Variants in MAST4 observed in about 807,000 individuals in gnomAD.
The protein encoded by MAST4 is microtubule-associated serine/threonine-protein kinase 4.
A neutral mutation model predicts 162.7 loss-of-function variants in MAST4; 89 were observed. The ratio of observed to expected loss-of-function variants is 0.55; its 90% CI spans 0.46 to 0.65. The LOEUF (loss-of-function observed/expected upper bound fraction) is 0.65. Ranked by LOEUF, MAST4 falls within the 30% of genes least tolerant of loss-of-function variation. The probability of loss-of-function intolerance (pLI) is 0.00; values close to 1 mark genes in which losing one functional copy is unlikely to be tolerated. For missense variants in MAST4, 3,153 were observed against 3,374.0 expected (o/e 0.93, Z 1.62); for synonymous variants, 1,479 against 1,361.1 (o/e 1.09, Z -1.91).
At chr5:66,867,721 G>T (rs1169303665) in intron 3 of MAST4, among the ~76,000 whole-genome samples, 1 of 152,218 alleles carries the variant, frequency 6.6e-6, no homozygotes, top group African/African-American at 2.4e-5. Context: ...AAAACTAATG[G>T]TGAGGAATCC....
intron 3 of MAST4, among the ~76,000 whole-genome samples, chr5:66,866,907 G>A (rs919928081): frequency 1.5e-5 from 2 of 137,712 alleles, no homozygotes; most frequent in Admixed American, 7.5e-5. Flanking sequence ...GGGCTACCAC[G>A]GCAGGCTTTT....
intron 3 of MAST4, among the ~76,000 whole-genome samples, chr5:66,852,846 C>T (rs913408765): frequency 6.6e-6 from 1 of 152,154 alleles, no homozygotes; most frequent in Non-Finnish European, 1.5e-5. Flanking sequence ...ATAGAATTCT[C>T]ATTATATTCC....
At chr5:66,997,197 TTA>T (rs1453645464) in intron 4 of MAST4, among the ~76,000 whole-genome samples, 1 of 152,002 alleles carries the variant, frequency 6.6e-6, no homozygotes, top group African/African-American at 2.4e-5. Flanking sequence ...ACACATACAT[TTA>T]TATATGTGTT....
chr5:67,138,470 G>C (rs1490079275), intron 19 of MAST4, among the ~76,000 whole-genome samples: 3 of 152,058 alleles, frequency 2.0e-5, no homozygotes, highest in Admixed American at 2.0e-4. Flanking sequence ...ATCTCACTCT[G>C]TCACCCAGGC....
chr5:66,958,982 C>A, intron 4 of MAST4: 7 of 396,288 alleles, frequency 1.8e-5, no homozygotes, highest in East Asian at 3.6e-5. Flanking sequence ...AAATCAGAAA[C>A]CAATTACTTG....
At chr5:66,758,698 C>A (rs1753692714) in intron 1 of MAST4, among the ~76,000 whole-genome samples, 1 of 152,172 alleles carries the variant, frequency 6.6e-6, no homozygotes, top group Admixed American at 6.5e-5. Flanking sequence ...AAAAATTTGA[C>A]AAGTATAACC....
intron 1 of MAST4, among the ~76,000 whole-genome samples, chr5:66,689,893 C>T (rs1342740807): frequency 2.0e-5 from 3 of 152,160 alleles, no homozygotes. Context: ...ACTAAGCCTA[C>T]TGAGTAGTAG....
chr5:66,742,959 C>A (rs1752554510), intron 1 of MAST4, among the ~76,000 whole-genome samples: 1 of 152,142 alleles, frequency 6.6e-6, no homozygotes, highest in African/African-American at 2.4e-5. Context: ...CTGGGGAAAT[C>A]TATCAAGCTA....
intron 4 of MAST4, among the ~76,000 whole-genome samples, chr5:67,047,775 A>C (rs1757557639): frequency 6.6e-6 from 1 of 152,184 alleles, no homozygotes; most frequent in African/African-American, 2.4e-5. Flanking sequence ...GATCCCAGCG[A>C]GTTTCTTAAC....
intron 8 of MAST4, among the ~76,000 whole-genome samples, chr5:67,101,082 T>G (rs1436335855): frequency 6.6e-6 from 1 of 152,228 alleles, no homozygotes; most frequent in Non-Finnish European, 1.5e-5. Flanking sequence ...GGATGCCAAA[T>G]GTAGTCCACC....
intron 4 of MAST4, among the ~76,000 whole-genome samples, chr5:66,993,024 G>A (rs139989647): frequency 2.1e-3 from 323 of 152,284 alleles, no homozygotes; most frequent in Non-Finnish European, 3.8e-3. Flanking sequence ...TTTTAGAGAA[G>A]ACAAACTACA....
chr5:66,847,760 G>T (rs1360638283), intron 3 of MAST4, among the ~76,000 whole-genome samples: 2 of 142,044 alleles, frequency 1.4e-5, no homozygotes, highest in Non-Finnish European at 3.0e-5. Context: ...GGCGGAAGTT[G>T]CAGTGAGCTG....
intron 2 of MAST4, among the ~76,000 whole-genome samples, chr5:66,783,101 A>G (rs36050092): frequency 0.012 from 1,884 of 152,318 alleles, 9 homozygotes; most frequent in Middle Eastern, 0.024. Context: ...TAACATTCAT[A>G]TGATTCCTCA....
chr5:66,949,773 T>A (rs1744452275), intron 4 of MAST4, among the ~76,000 whole-genome samples: 1 of 152,220 alleles, frequency 6.6e-6, no homozygotes, highest in Admixed American at 6.5e-5. Context: ...AATTTACTTT[T>A]AATTTTCTAC....
At chr5:66,959,201 GGAGT>G (rs1295922822) in intron 4 of MAST4, 5 of 779,280 alleles carry the variant, frequency 6.4e-6, no homozygotes, top group Non-Finnish European at 1.2e-5. Context: ...ACGCTGGCAG[GGAGT>G]GTGTGTCATG....
In MAST4 at chr5:67,102,198, T is replaced by C. The variant is rs1048388980; in HGVS notation, c.1071-338T>C. On this transcript the variant is annotated intron_variant, in intron 8 of 28. Transcript: ENST00000403625. ...CTATTTTATTTTATTTTGCAGTTTG[T>C]TAATTGTTTTCCAGATCTTATGCAA... Among the ~76,000 whole-genome samples, 4 of 152,220 alleles carry C rather than the reference T, an allele frequency of 2.6e-5. No individual in the cohort carries two copies. In the East Asian group the frequency reaches 5.8e-4, roughly 22 times the overall value.
At position 67,164,819 on chromosome 5, in the gene MAST4, C is replaced by G; in HGVS notation, c.5640C>G (p.Ser1880Arg). ...TGGAGCCTTGGTTCCTGCCCCCCAGCCGAGGTCTCCAGAATTCACCAGCAG... is the reference window on the plus strand; with the variant it reads ...TGGAGCCTTGGTTCCTGCCCCCCAGGCGAGGTCTCCAGAATTCACCAGCAG... ...YLLEPWFLPPSRGLQNSPAVS... is the reference protein window; with the variant it reads ...YLLEPWFLPPRRGLQNSPAVS... The change falls in exon 29 of 29, where the codon AGC becomes AGG. Residue 1880 changes from serine (S) to arginine (R), a missense_variant. This residue lies in a region of MAST4 where 1,644 missense variants were observed against 1,495.0 expected (regional missense o/e 1.10). Transcript: ENST00000403625. This position sits in a 1 kb window ranked among gnomAD's most constrained non-coding sequence, Gnocchi z 5.3. The G allele has an allele frequency of 1.9e-6, 3 of 1,614,024 alleles. No homozygotes were observed. In the East Asian group the frequency reaches 6.7e-5, roughly 36 times the overall value.
intron 11 of MAST4, 78 bp from the exon 12 acceptor site, chr5:67,114,009 T>G: frequency 1.4e-5 from 22 of 1,546,374 alleles, no homozygotes; most frequent in Admixed American, 1.8e-5. Flanking sequence ...GCAGTTATAT[T>G]GTGAATGGGA....
At chr5:66,664,008 G>A (rs150373618) in intron 1 of MAST4, among the ~76,000 whole-genome samples, 1 of 152,250 alleles carries the variant, frequency 6.6e-6, no homozygotes, top group Admixed American at 6.5e-5. Context: ...TTTTGAAGAT[G>A]AATTCAAAGA....
Sources: allele counts gnomAD v4.1 joint callset (sites outside exome capture counted in the v4.1 genomes callset), GRCh38; gene constraint gnomAD v4.1.1; regional missense constraint gnomAD v4.1.1; non-coding constraint Gnocchi (gnomAD v3.1); transcripts MANE v1.5; gene names NCBI Gene and HGNC (gene_info 2026-07-23, HGNC 2026-07-21).